Variants in TANC2 observed in about 807,000 individuals in gnomAD.
The protein encoded by TANC2 is tetratricopeptide repeat, ankyrin repeat and coiled-coil containing 2.
A neutral mutation model predicts 210.5 loss-of-function variants in TANC2; 26 were observed. That is an observed-to-expected ratio of 0.12 (90% CI 0.09 to 0.17). The LOEUF (loss-of-function observed/expected upper bound fraction) is 0.17, where lower values mean the gene tolerates loss of function less well. Among genes scored for constraint, TANC2 ranks in the 10% least tolerant of loss-of-function variants. The pLI is 1.00. For synonymous variants in TANC2, 931 were observed against 967.1 expected, an observed-to-expected ratio of 0.96 and a Z score of 0.69; for missense variants, 2,129 against 2,608.9, an observed-to-expected ratio of 0.82 and a Z score of 4.01.
In TANC2 at chr17:62,966,253, C is replaced by T. The variant is rs560278326; in HGVS notation, c.-520C>T. ...GCGCGGCGGCGGCGCTAGCGAGCGG[C>T]CGGCGGGGCGCGGGTTGCTGGGCGC... is the stretch of plus-strand genomic sequence containing the variant. On this transcript the variant is annotated 5_prime_UTR_variant, in exon 1 of 28. Transcript: ENST00000689528. This position sits in a 1 kb window ranked among gnomAD's most constrained non-coding sequence, Gnocchi z 5.1. 6.8e-6 allele frequency among the ~76,000 whole-genome samples: 1 copy of T among 146,258 alleles called. No individual in the cohort carries two copies. Among genetic ancestry groups the T allele is most frequent in the African/African-American group, 2.4e-5 (1 of 40,906 alleles).
intron 5 of TANC2, among the ~76,000 whole-genome samples, chr17:63,186,853 G>C (rs1259332002): frequency 6.6e-6 from 1 of 152,202 alleles, no homozygotes; most frequent in Non-Finnish European, 1.5e-5. Context: ...TAATGCATGA[G>C]TGCTGTATGA....
exon 28 of TANC2, chr17:63,426,392 C>T (rs1177879440): frequency 1.3e-5 from 2 of 152,392 alleles, no homozygotes; most frequent in Non-Finnish European, 2.9e-5. Context: ...GGCTGGGGGC[C>T]TGGACACAAG....
At chr17:63,423,283 C>T (rs1009897052) in exon 28 of TANC2, 1 of 152,136 alleles carries the variant, frequency 6.6e-6, no homozygotes, top group Non-Finnish European at 1.5e-5. Context: ...TGGGTGGGGG[C>T]ATGAGATAGA....
intron 10 of TANC2, among the ~76,000 whole-genome samples, chr17:63,315,106 G>A (rs968254756): frequency 3.3e-5 from 5 of 152,082 alleles, no homozygotes; most frequent in Admixed American, 3.3e-4. Context: ...CTTGAGCTTC[G>A]TTGTGTCCTT....
At chr17:63,080,243 T>C (rs933724497) in intron 3 of TANC2, among the ~76,000 whole-genome samples, 1 of 152,200 alleles carries the variant, frequency 6.6e-6, no homozygotes, top group Non-Finnish European at 1.5e-5. Flanking sequence ...AGTTACTTTA[T>C]CAGAGTTGGT....
At position 63,180,003 on chromosome 17, in the gene TANC2, T is replaced by TGG. The variant is rs1178916470; in HGVS notation, c.434-13987_434-13986dup. Among the ~76,000 whole-genome samples the TGG allele has an allele frequency of 1.0e-4, 14 of 139,830 alleles. No individual in the cohort carries two copies. The South Asian group carries it at 1.8e-3, about 18-fold the overall frequency. The allele number at this position is 139,830 out of a possible 152,430, so 91.7% of individuals were successfully genotyped here. On this transcript the variant is annotated intron_variant, in intron 5 of 27. Transcript: ENST00000689528. ...AAAAAAAAAAAAAAAAGCCTTGGTGTGGTGGCACATGCCTGTGGTACCAGC... is the reference window on the plus strand; with the variant it reads ...AAAAAAAAAAAAAAAAGCCTTGGTGTGGGGTGGCACATGCCTGTGGTACCAGC...
chr17:63,111,960 G>C (rs1192733353), intron 4 of TANC2, among the ~76,000 whole-genome samples: 1 of 152,130 alleles, frequency 6.6e-6, no homozygotes, highest in East Asian at 1.9e-4. Context: ...TCCTGACCTT[G>C]TGATCCGCCC....
chr17:63,058,562 A>G (rs2035886566), intron 2 of TANC2, among the ~76,000 whole-genome samples: 1 of 152,126 alleles, frequency 6.6e-6, no homozygotes, highest in African/African-American at 2.4e-5. Context: ...CGGGTTTTAC[A>G]TTTGAGTCTT....
intron 7 of TANC2, among the ~76,000 whole-genome samples, chr17:63,233,589 G>A (rs1332653654): frequency 6.6e-6 from 1 of 152,210 alleles, no homozygotes; most frequent in Non-Finnish European, 1.5e-5. Flanking sequence ...GGATACCTCA[G>A]TTGCCAGTGC....
intron 5 of TANC2, among the ~76,000 whole-genome samples, chr17:63,178,522 T>G (rs978936144): frequency 7.2e-5 from 11 of 152,232 alleles, no homozygotes; most frequent in African/African-American, 2.7e-4. Flanking sequence ...AGCTGCTTAT[T>G]TTCTAACATT....
chr17:63,355,364 G>T, exon 14 of TANC2: 1 of 1,589,896 alleles, frequency 6.3e-7, no homozygotes, highest in South Asian at 1.1e-5. Flanking sequence ...AAGAAGGAGA[G>T]AAAACCAAAT....
chr17:63,261,601 G>C (rs2043358806), intron 8 of TANC2, among the ~76,000 whole-genome samples: 1 of 152,162 alleles, frequency 6.6e-6, no homozygotes, highest in East Asian at 1.9e-4. Context: ...CTGCAAACTA[G>C]ATTCAACTGC....
At chr17:63,330,300 G>A (rs564649827) in intron 11 of TANC2, among the ~76,000 whole-genome samples, 116 of 152,334 alleles carry the variant, frequency 7.6e-4, no homozygotes, top group Middle Eastern at 3.4e-3. Context: ...GAAGCAGTAC[G>A]TGCTGATACA....
chr17:63,160,043 A>C (rs554508386), intron 5 of TANC2, among the ~76,000 whole-genome samples: 1 of 152,216 alleles, frequency 6.6e-6, no homozygotes, highest in African/African-American at 2.4e-5. Context: ...CTGTGCATGC[A>C]TGTCAGGAGA....
rs570526670 is a variant in TANC2 at position 62,973,586 on chromosome 17, T to C, written c.-24+6837T>C. Among the ~76,000 whole-genome samples, 86 of 152,318 alleles carry C rather than the reference T, an allele frequency of 5.6e-4. 1 individual carries two copies. The highest frequency in any genetic ancestry group is 2.0e-3 in the African/African-American group (85 of 41,568). Reference sequence around the variant, plus strand: ...AGAAATATACACACCATCTAAAATATTACTCAGAGTAAGTCCTGGACTGTA... The same window carrying C: ...AGAAATATACACACCATCTAAAATACTACTCAGAGTAAGTCCTGGACTGTA... On this transcript the variant is annotated intron_variant, in intron 1 of 27. Transcript: ENST00000689528.
chr17:63,365,313 C>T lies in TANC2; in HGVS notation c.2582+9923C>T, dbSNP rs73994442. ...GCCACAGCTGTGAGACATGAATTTA[C>T]TGTAGCCGTCCACATATCCAGTTGG... On this transcript the variant is annotated intron_variant, in intron 14 of 27. Coordinates refer to ENST00000689528, the Ensembl canonical transcript of TANC2. 3.7e-3 allele frequency among the ~76,000 whole-genome samples: 569 copies of T among 152,326 alleles called. 6 individuals are homozygous for T. Among genetic ancestry groups the T allele is most frequent in the African/African-American group, 0.013 (539 of 41,574 alleles).
chr17:63,413,103 C>A, intron 24 of TANC2: 1 of 222,958 alleles, frequency 4.5e-6, no homozygotes. Flanking sequence ...AGTGGTTTCC[C>A]TTCTGCAAAG....
intron 11 of TANC2, among the ~76,000 whole-genome samples, chr17:63,326,844 A>G (rs1179438788): frequency 3.9e-5 from 6 of 152,206 alleles, no homozygotes; most frequent in African/African-American, 9.6e-5. Context: ...AAAGAGCTCA[A>G]AAGTACAGGC....
In TANC2 at chr17:63,151,409, GA is replaced by G. The variant is rs2039649604; in HGVS notation, c.433+32del. 8 of 960,426 alleles carry G rather than the reference GA, an allele frequency of 8.3e-6. No individual in the cohort carries two copies. In the South Asian group the frequency reaches 2.4e-4, roughly 29 times the overall value. The allele number at this position is 960,426 out of a possible 1,614,324, so 59.5% of individuals were successfully genotyped here. Reference sequence around the variant, plus strand: ...AGCATGCATGCAAAGTGTCTGCTTTGAAAGAGGGAGGATTGGATCAGGCCCA... The same window carrying G: ...AGCATGCATGCAAAGTGTCTGCTTTGAAGAGGGAGGATTGGATCAGGCCCA... On this transcript the variant is annotated intron_variant, in intron 5 of 27. Transcript: ENST00000689528.
Sources: gnomAD v4.1 joint callset for allele counts (sites outside exome capture counted in the v4.1 genomes callset) on GRCh38, gnomAD v4.1.1 for gene constraint, Gnocchi (gnomAD v3.1) non-coding constraint, MANE v1.5 for transcripts, NCBI Gene and HGNC (gene_info 2026-07-23, HGNC 2026-07-21) for gene names.